PRDM10: variants seen among roughly 807,000 people sequenced by gnomAD.
PRDM10 encodes the protein PR/SET domain 10.
Under a neutral mutation model 133.1 loss-of-function variants are expected in PRDM10, and 65 were observed. The ratio of observed to expected loss-of-function variants is 0.49; its 90% CI spans 0.40 to 0.60. The LOEUF is 0.60. Among genes scored for constraint, PRDM10 ranks in the 20% least tolerant of loss-of-function variants. The pLI is 0.00. For missense variants in PRDM10, 1,137 were observed against 1,507.1 expected, an observed-to-expected ratio of 0.75 and a Z score of 4.07; for synonymous variants, 582 against 580.4, an observed-to-expected ratio of 1.00 and a Z score of -0.04.
intron 1 of PRDM10, among the ~76,000 whole-genome samples, chr11:129,977,176 C>T (rs1239418311): frequency 6.6e-6 from 1 of 151,758 alleles, no homozygotes; most frequent in African/African-American, 2.4e-5. Context: ...GAGCACAGTG[C>T]CCCTCTTATC....
At chr11:129,926,382 C>G (rs932347344) in intron 11 of PRDM10, among the ~76,000 whole-genome samples, 1 of 152,144 alleles carries the variant, frequency 6.6e-6, no homozygotes, top group African/African-American at 2.4e-5. Flanking sequence ...AGGGAAAGCT[C>G]TAGATTGCTA....
chr11:129,910,684 G>A, intron 18 of PRDM10, 28 bp from the exon 19 acceptor site: 2 of 1,489,034 alleles, frequency 1.3e-6, no homozygotes, highest in Non-Finnish European at 1.8e-6. Context: ...GCAATGGTAG[G>A]GAATTACGAG....
chr11:129,961,528 A>G (rs1951795822), intron 1 of PRDM10, among the ~76,000 whole-genome samples: 1 of 151,510 alleles, frequency 6.6e-6, no homozygotes, highest in Admixed American at 6.6e-5. Context: ...CTGGTCTCAA[A>G]CTCCTGAGCT....
intron 1 of PRDM10, among the ~76,000 whole-genome samples, chr11:129,993,652 C>T (rs34534860): frequency 0.13 from 19,428 of 151,842 alleles, 2,230 homozygotes; most frequent in East Asian, 0.43. Context: ...ACCTGGCTAA[C>T]TTTTTGTATT....
intron 1 of PRDM10, among the ~76,000 whole-genome samples, chr11:129,988,831 G>T (rs1017249240): frequency 9.2e-5 from 14 of 151,986 alleles, no homozygotes; most frequent in Admixed American, 7.2e-4. Context: ...GGGTTTCACC[G>T]TGTTAGCCAG....
rs140620183 is a variant in PRDM10, at chr11:129,931,047, G to T, written c.1499C>A (p.Ala500Asp). 1 of 1,613,912 alleles carries T rather than the reference G, an allele frequency of 6.2e-7. No individual in the cohort carries two copies. ...GCGCTTGGCTCTGCGCATGTCGTCG[G>T]CTGTCAGCGTGCTCTGGGTGGGCAC... ...SVVPTQSTLT[A>D]DDMRRAKRIR... The change falls in exon 11 of 21, where the codon GCC becomes GAC. Residue 500 changes from alanine (A) to aspartate (D), a missense_variant. Coordinates refer to ENST00000360871, the MANE Select transcript of PRDM10 (RefSeq NM_199437.2).
chr11:129,917,098 G>C, intron 15 of PRDM10, 29 bp downstream of exon 15: 1 of 1,522,256 alleles, frequency 6.6e-7, no homozygotes, highest in Non-Finnish European at 9.1e-7. Context: ...AACCCCAGTG[G>C]CATACCAATA....
intron 1 of PRDM10, among the ~76,000 whole-genome samples, chr11:129,978,306 G>A (rs1937901289): frequency 6.6e-6 from 1 of 152,168 alleles, no homozygotes; most frequent in South Asian, 2.1e-4. Context: ...GTGAGTTTAT[G>A]CCACTGGGAA....
intron 2 of PRDM10, among the ~76,000 whole-genome samples, chr11:129,959,072 C>G (rs1255097379): frequency 6.6e-6 from 1 of 152,172 alleles, no homozygotes; most frequent in Non-Finnish European, 1.5e-5. Context: ...AGGGTGGAAT[C>G]CTTGCTCTTA....
chr11:129,941,055 T>C (rs372424626), intron 7 of PRDM10, among the ~76,000 whole-genome samples: 5 of 152,190 alleles, frequency 3.3e-5, no homozygotes, highest in African/African-American at 1.2e-4. Flanking sequence ...ACATGTTTTC[T>C]TTGGGGTTTA....
intron 1 of PRDM10, among the ~76,000 whole-genome samples, chr11:129,972,542 A>T (rs1463023063): frequency 6.6e-6 from 1 of 152,328 alleles, no homozygotes; most frequent in South Asian, 2.1e-4. Flanking sequence ...TTGAGAACAG[A>T]TCATCTAGAA....
intron 1 of PRDM10, among the ~76,000 whole-genome samples, chr11:129,993,902 T>C (rs1938893660): frequency 6.6e-6 from 1 of 152,218 alleles, no homozygotes; most frequent in African/African-American, 2.4e-5. Flanking sequence ...AATCAGCTTG[T>C]CTAATTTTTT....
At chr11:129,959,449 C>G (rs1025319005) in intron 2 of PRDM10, among the ~76,000 whole-genome samples, 6 of 152,262 alleles carry the variant, frequency 3.9e-5, no homozygotes, top group African/African-American at 1.4e-4. Context: ...GCTATCCAAG[C>G]TTTTCTGCTT....
chr11:129,981,334 C>T (rs1938100863), intron 1 of PRDM10, among the ~76,000 whole-genome samples: 1 of 152,262 alleles, frequency 6.6e-6, no homozygotes, highest in East Asian at 1.9e-4. Flanking sequence ...CCCACCCCAA[C>T]CCATTCCCTA....
intron 20 of PRDM10, among the ~76,000 whole-genome samples, chr11:129,905,309 G>A (rs1182281592): frequency 6.8e-6 from 1 of 146,900 alleles, no homozygotes. Flanking sequence ...TTGCAGGTGA[G>A]CTGAGATTGC....
chr11:129,963,444 G>GAGAAA (rs1023104038), intron 1 of PRDM10, among the ~76,000 whole-genome samples: 2 of 148,624 alleles, frequency 1.3e-5, no homozygotes, highest in African/African-American at 2.5e-5. Context: ...GAGAAGAGAA[G>GAGAAA]AGAAGAGAAG....
At position 129,945,598 on chromosome 11, in the gene PRDM10, A is replaced by C. The variant is rs538904456; in HGVS notation, c.521-586T>G. ...GAACAAATTTAGAATCCCTTCCTTC[A>C]TTCACTGGGATGACACAACATTTTC... On this transcript the variant is annotated intron_variant, in intron 5 of 20. Transcript: ENST00000360871. This position sits in a 1 kb window ranked among gnomAD's most constrained non-coding sequence, Gnocchi z 4.2. Among the ~76,000 whole-genome samples the C allele has an allele frequency of 6.6e-6, 1 of 152,264 alleles. No homozygotes were observed. Among genetic ancestry groups the C allele is most frequent in the East Asian group, 1.9e-4 (1 of 5,182 alleles).
In PRDM10 at chr11:129,960,717, G is replaced by A. The variant is rs533968901; in HGVS notation, c.69+179C>T. ...TGGTCTAGCTCTCCTAACTCACGGT[G>A]AGCCACATCGATGGAGCATTCAAGG... On this transcript the variant is annotated intron_variant, in intron 2 of 20. Coordinates refer to ENST00000360871, the MANE Select transcript of PRDM10 (RefSeq NM_199437.2). 2.0e-5 allele frequency among the ~76,000 whole-genome samples: 3 copies of A among 152,272 alleles called. No individual in the cohort carries two copies. In the East Asian group the frequency reaches 5.8e-4, roughly 29 times the overall value.
chr11:129,933,998 G>T (rs1440382716), intron 9 of PRDM10, among the ~76,000 whole-genome samples: 1 of 152,202 alleles, frequency 6.6e-6, no homozygotes, highest in Non-Finnish European at 1.5e-5. Flanking sequence ...CTTTCGTGCA[G>T]CTCTGCATCA....
Sources: allele counts gnomAD v4.1 joint callset (sites outside exome capture counted in the v4.1 genomes callset), GRCh38; gene constraint gnomAD v4.1.1; non-coding constraint Gnocchi (gnomAD v3.1); transcripts MANE v1.5; gene names NCBI Gene and HGNC (gene_info 2026-07-23, HGNC 2026-07-21).